Variants in CDYL observed in about 807,000 individuals in gnomAD.
CDYL encodes the protein chromodomain Y-like protein.
Under a neutral mutation model 47.3 loss-of-function variants are expected in CDYL, and 8 were observed. The ratio of observed to expected loss-of-function variants is 0.17; its 90% CI spans 0.10 to 0.31. The LOEUF is 0.31. Among genes scored for constraint, CDYL ranks in the 10% least tolerant of loss-of-function variants. The pLI, the probability that CDYL is intolerant of heterozygous loss-of-function variation, is 1.00. For missense variants in CDYL, 471 were observed against 701.4 expected, an observed-to-expected ratio of 0.67 and a Z score of 3.71; for synonymous variants, 266 against 265.0, an observed-to-expected ratio of 1.00 and a Z score of -0.04.
intron 2 of CDYL, among the ~76,000 whole-genome samples, chr6:4,728,478 C>T (rs146295274): frequency 2.0e-5 from 3 of 152,292 alleles, no homozygotes; most frequent in African/African-American, 7.2e-5. Context: ...CCAATTATTG[C>T]TTCCAGGTCC....
chr6:4,853,668 A>G (rs1294853231), intron 1 of CDYL, among the ~76,000 whole-genome samples: 1 of 152,162 alleles, frequency 6.6e-6, no homozygotes, highest in Non-Finnish European at 1.5e-5. Context: ...CCCAATATCC[A>G]CATTCCTGTC....
chr6:4,783,940 C>T (rs528241819), intron 1 of CDYL, among the ~76,000 whole-genome samples: 1 of 152,272 alleles, frequency 6.6e-6, no homozygotes, highest in East Asian at 1.9e-4. Context: ...TCAAATACTC[C>T]TTCTCTGTAC....
At chr6:4,744,666 C>G (rs1264903980) in intron 3 of CDYL, among the ~76,000 whole-genome samples, 1 of 152,072 alleles carries the variant, frequency 6.6e-6, no homozygotes, top group Non-Finnish European at 1.5e-5. Flanking sequence ...TCTCTAAAAA[C>G]CTTATGAGGT....
intron 2 of CDYL, among the ~76,000 whole-genome samples, chr6:4,717,703 CAAAAAAAAAAAAAAAAAA>C (rs200835710): frequency 5.7e-4 from 28 of 49,346 alleles, no homozygotes; most frequent in African/African-American, 1.6e-3. Context: ...AAGACCCTCA[CAAAAAAAAAAAAAAAAAA>C]AAAAAAAAAA....
chr6:4,778,323 G>T (rs960960297), intron 1 of CDYL, among the ~76,000 whole-genome samples: 1 of 152,186 alleles, frequency 6.6e-6, no homozygotes, highest in African/African-American at 2.4e-5. Context: ...TCCATCAGTG[G>T]ATGAGAGTAG....
intron 1 of CDYL, among the ~76,000 whole-genome samples, chr6:4,820,616 TC>T (rs899299799): frequency 1.3e-5 from 2 of 152,078 alleles, no homozygotes; most frequent in Admixed American, 6.6e-5. Flanking sequence ...TGTTATGTTC[TC>T]CCCCACCAGA....
intron 5 of CDYL, 120 bp from the exon 6 acceptor site, chr6:4,952,146 C>G: frequency 8.5e-7 from 1 of 1,179,174 alleles, no homozygotes. Context: ...AGGATGTGCC[C>G]CATTTCCCTG....
intron 2 of CDYL, among the ~76,000 whole-genome samples, chr6:4,719,537 C>A (rs1757331303): frequency 6.6e-6 from 1 of 152,156 alleles, no homozygotes; most frequent in Admixed American, 6.5e-5. Flanking sequence ...AGCTAATCAA[C>A]AGAATATTCA....
At chr6:4,819,162 C>CTCTCTCTCTCTG (rs1016051589) in intron 1 of CDYL, among the ~76,000 whole-genome samples, 151 of 111,956 alleles carry the variant, frequency 1.3e-3, no homozygotes, top group Non-Finnish European at 1.8e-3. Context: ...CTCTCTCTCT[C>CTCTCTCTCTCTG]TGTGTGTGTG....
intron 1 of CDYL, among the ~76,000 whole-genome samples, chr6:4,827,834 A>G (rs891012126): frequency 6.6e-6 from 1 of 151,870 alleles, no homozygotes; most frequent in Non-Finnish European, 1.5e-5. Flanking sequence ...TTTGGATTTT[A>G]AGTAGAGACG....
At position 4,834,202 on chromosome 6, in the gene CDYL, C is replaced by T. The variant is rs1374352448; in HGVS notation, c.24+57395C>T. On this transcript the variant is annotated intron_variant, in intron 1 of 6. Coordinates refer to ENST00000397588, the MANE Select transcript of CDYL (RefSeq NM_004824.4). Reference sequence around the variant, plus strand: ...TTTACATTTTGGCATGATTTTGCAGCGGCTGGTACCAGTTGTTCCTTTCCA... The same window carrying T: ...TTTACATTTTGGCATGATTTTGCAGTGGCTGGTACCAGTTGTTCCTTTCCA... Among the ~76,000 whole-genome samples the T allele has an allele frequency of 2.5e-4, 38 of 152,192 alleles. No homozygotes were observed. In the East Asian group the frequency reaches 4.4e-3, roughly 18 times the overall value.
intron 1 of CDYL, among the ~76,000 whole-genome samples, chr6:4,818,675 T>A (rs1012205162): frequency 1.3e-5 from 2 of 152,212 alleles, no homozygotes; most frequent in Admixed American, 6.5e-5. Context: ...TCTGGGCATT[T>A]TTATCACCAG....
chr6:4,761,568 T>C (rs1758176528), intron 3 of CDYL, among the ~76,000 whole-genome samples: 1 of 151,700 alleles, frequency 6.6e-6, no homozygotes, highest in Admixed American at 6.6e-5. Context: ...GGTCTTGAAC[T>C]CTTGACCTTG....
intron 1 of CDYL, among the ~76,000 whole-genome samples, chr6:4,848,438 T>G (rs1027114924): frequency 6.6e-6 from 1 of 152,218 alleles, no homozygotes; most frequent in Admixed American, 6.5e-5. Flanking sequence ...TGCTGGTACC[T>G]TAAGCCCGAT....
At chr6:4,707,749 T>C (rs1757072699) in intron 1 of CDYL, among the ~76,000 whole-genome samples, 1 of 152,134 alleles carries the variant, frequency 6.6e-6, no homozygotes, top group Admixed American at 6.5e-5. Context: ...GATTTTTTTA[T>C]AGTTGCCATC....
chr6:4,790,250 G>T (rs755062158), intron 1 of CDYL, among the ~76,000 whole-genome samples: 1 of 152,202 alleles, frequency 6.6e-6, no homozygotes, highest in African/African-American at 2.4e-5. Flanking sequence ...TAAATACGAA[G>T]ACAGCTTTTT....
chr6:4,781,468 T>C (rs1199936338), intron 1 of CDYL, among the ~76,000 whole-genome samples: 1 of 152,236 alleles, frequency 6.6e-6, no homozygotes, highest in Admixed American at 6.5e-5. Flanking sequence ...CTTCAGGAGT[T>C]GATAGTGAGG....
intron 2 of CDYL, among the ~76,000 whole-genome samples, chr6:4,927,381 A>AT (rs1757906842): frequency 6.9e-6 from 1 of 145,144 alleles, no homozygotes. Flanking sequence ...ACTCAGATCA[A>AT]TTTTTTATGT....
intron 1 of CDYL, among the ~76,000 whole-genome samples, chr6:4,798,502 A>G (rs1332851251): frequency 2.0e-5 from 3 of 152,154 alleles, no homozygotes; most frequent in Non-Finnish European, 4.4e-5. Context: ...ATAGTTCTGT[A>G]GTTTTATTAC....
Sources: gnomAD v4.1 joint callset for allele counts (sites outside exome capture counted in the v4.1 genomes callset) on GRCh38, gnomAD v4.1.1 for gene constraint, MANE v1.5 for transcripts, NCBI Gene and HGNC (gene_info 2026-07-23, HGNC 2026-07-21) for gene names.